The following EVA1A variants were observed in gnomAD, a reference collection of about 807,000 sequenced individuals.
The protein encoded by EVA1A is protein eva-1 homolog A.
EVA1A carries 7 observed loss-of-function variants against 9.8 expected under a neutral mutation model. That is an observed-to-expected ratio of 0.71 (90% CI 0.41 to 1.34). The LOEUF is 1.34. EVA1A is among the 40% of genes most tolerant of loss of function. The pLI is 0.01. For missense variants in EVA1A, 206 were observed against 205.9 expected, an observed-to-expected ratio of 1.00 and a Z score of 0.00; for synonymous variants, 90 against 85.6, an observed-to-expected ratio of 1.05 and a Z score of -0.28.
chr2:75,553,912 T>C (rs73938968), intron 1 of EVA1A, among the ~76,000 whole-genome samples: 370 of 152,302 alleles, frequency 2.4e-3, no homozygotes, highest in African/African-American at 8.6e-3. Context: ...GACATCTCAG[T>C]GCAGCAAAGA....
chr2:75,531,267 G>A (rs143232313), intron 1 of EVA1A, among the ~76,000 whole-genome samples: 2,982 of 152,274 alleles, frequency 0.02, 94 homozygotes, highest in African/African-American at 0.069. Flanking sequence ...TGTTGGCATG[G>A]ATGTGGTGAA....
At chr2:75,547,494 G>A (rs1009001797) in intron 1 of EVA1A, among the ~76,000 whole-genome samples, 2 of 152,158 alleles carry the variant, frequency 1.3e-5, no homozygotes, top group African/African-American at 4.8e-5. Context: ...CACCAAGCAC[G>A]ATGTCTAGTG....
At chr2:75,569,257 C>T (rs935506852) in intron 1 of EVA1A, among the ~76,000 whole-genome samples, 8 of 151,954 alleles carry the variant, frequency 5.3e-5, no homozygotes, top group African/African-American at 1.9e-4. Flanking sequence ...ATGGTATTCA[C>T]TTGCCTCACT....
At chr2:75,526,844 T>A (rs1406479997) in intron 1 of EVA1A, among the ~76,000 whole-genome samples, 2 of 152,206 alleles carry the variant, frequency 1.3e-5, no homozygotes, top group Non-Finnish European at 2.9e-5. Flanking sequence ...GAGAGTGACA[T>A]GGTCAGTTCT....
At chr2:75,499,835 T>A (rs1674346001) in intron 3 of EVA1A, among the ~76,000 whole-genome samples, 1 of 152,016 alleles carries the variant, frequency 6.6e-6, no homozygotes, top group Non-Finnish European at 1.5e-5. Context: ...AGGGCCTGAG[T>A]TTCATCTCAC....
intron 1 of EVA1A, among the ~76,000 whole-genome samples, chr2:75,552,345 T>C (rs1676555543): frequency 6.6e-6 from 1 of 152,160 alleles, no homozygotes; most frequent in Non-Finnish European, 1.5e-5. Context: ...CTATAAATGC[T>C]GCTCCCTCCT....
intron 1 of EVA1A, among the ~76,000 whole-genome samples, chr2:75,553,019 C>A (rs1676577307): frequency 6.6e-6 from 1 of 152,250 alleles, no homozygotes; most frequent in Admixed American, 6.5e-5. Flanking sequence ...AATTCTCTAA[C>A]AAATCCAGAT....
intron 1 of EVA1A, among the ~76,000 whole-genome samples, chr2:75,568,915 T>C (rs1288798235): frequency 1.3e-5 from 2 of 152,232 alleles, no homozygotes; most frequent in African/African-American, 4.8e-5. Flanking sequence ...ATCTTTGCAA[T>C]TGCAAATTCT....
At position 75,539,851 on chromosome 2, in the gene EVA1A, T is replaced by C. The variant is rs192119248; in HGVS notation, c.-191-17364A>G. ...TCATGAAGTAATCAGATATTAGCAA[T>C]AGTAGGCAGTGGGTAATTGAAGGCA... is the stretch of plus-strand genomic sequence containing the variant. On this transcript the variant is annotated intron_variant, in intron 1 of 3. Coordinates refer to ENST00000393913, the MANE Select transcript of EVA1A (RefSeq NM_001135032.2). 1.4e-4 allele frequency among the ~76,000 whole-genome samples: 22 copies of C among 152,188 alleles called. No individual in the cohort carries two copies. The East Asian group carries it at 4.2e-3, about 29-fold the overall frequency.
chr2:75,535,906 T>C (rs1243938150), intron 1 of EVA1A, among the ~76,000 whole-genome samples: 2 of 152,132 alleles, frequency 1.3e-5, no homozygotes, highest in African/African-American at 2.4e-5. Context: ...AACCAAAAAA[T>C]ACTTGTACCT....
rs142500802 is a variant in EVA1A at position 75,498,460 on chromosome 2, C to T, written c.86-4851G>A. Reference sequence around the variant, plus strand: ...AATTTACCCATGTAACAAAACTGCACGGGTACCCCCAAAACTAAAATAAAA... The same window carrying T: ...AATTTACCCATGTAACAAAACTGCATGGGTACCCCCAAAACTAAAATAAAA... On this transcript the variant is annotated intron_variant, in intron 3 of 3. Coordinates refer to ENST00000393913, the MANE Select transcript of EVA1A (RefSeq NM_001135032.2). Among the ~76,000 whole-genome samples the T allele has an allele frequency of 6.2e-3, 941 of 151,968 alleles. 4 individuals are homozygous for T. Among genetic ancestry groups the T allele is most frequent in the African/African-American group, 0.022 (893 of 41,430 alleles).
chr2:75,568,948 T>C (rs1328373527), intron 1 of EVA1A, among the ~76,000 whole-genome samples: 1 of 152,206 alleles, frequency 6.6e-6, no homozygotes, highest in African/African-American at 2.4e-5. Flanking sequence ...ATGTGTTGCA[T>C]GTGTCTTTTT....
At chr2:75,555,790 T>G (rs989621379) in intron 1 of EVA1A, among the ~76,000 whole-genome samples, 1 of 152,208 alleles carries the variant, frequency 6.6e-6, no homozygotes, top group African/African-American at 2.4e-5. Flanking sequence ...CCCCACCATA[T>G]GCCTACATGT....
chr2:75,524,821 A>G (rs576224742), intron 1 of EVA1A, among the ~76,000 whole-genome samples: 2 of 152,232 alleles, frequency 1.3e-5, no homozygotes, highest in East Asian at 1.9e-4. Context: ...CCTACAGGAC[A>G]TGGTTCCATT....
chr2:75,564,629 G>A (rs1386899213), upstream of EVA1A, among the ~76,000 whole-genome samples: 1 of 152,204 alleles, frequency 6.6e-6, no homozygotes, highest in Non-Finnish European at 1.5e-5. Flanking sequence ...GGAGGCTGTG[G>A]CATTCCCTCA....
upstream of EVA1A, among the ~76,000 whole-genome samples, chr2:75,563,408 G>C (rs1268962326): frequency 2.6e-5 from 4 of 152,204 alleles, no homozygotes; most frequent in African/African-American, 9.7e-5. Flanking sequence ...AGCTATGTCA[G>C]AGGACCTATG....
rs551425397 is a variant in EVA1A at position 75,515,697 on chromosome 2, C to T, written c.85+2359G>A. On this transcript the variant is annotated intron_variant, in intron 3 of 3. Transcript: ENST00000393913. Reference sequence around the variant, plus strand: ...GAGCATTTTCATGTAATTTTAAATGCCTCCTTTTATATAAACCGTATCTGT... The same window carrying T: ...GAGCATTTTCATGTAATTTTAAATGTCTCCTTTTATATAAACCGTATCTGT... Among the ~76,000 whole-genome samples the T allele has an allele frequency of 7.9e-5, 12 of 152,286 alleles. No homozygotes were observed. The South Asian group carries it at 2.3e-3, about 29-fold the overall frequency.
In EVA1A at chr2:75,496,106, G is replaced by A. The variant is rs374327484; in HGVS notation, c.86-2497C>T. Among the ~76,000 whole-genome samples, 103 of 152,282 alleles carry A rather than the reference G, an allele frequency of 6.8e-4. 2 individuals carry two copies. The highest frequency in any genetic ancestry group is 2.4e-3 in the African/African-American group (98 of 41,548). The stretch of plus-strand genomic sequence containing the variant: ...ACACAAGGCTGTTGGGAGGATCAGT[G>A]TAGATAATGCAAGTGAAAGTGCTTG... On this transcript the variant is annotated intron_variant, in intron 3 of 3. Coordinates refer to ENST00000393913, the MANE Select transcript of EVA1A (RefSeq NM_001135032.2).
At chr2:75,529,116 T>C (rs1387527933) in intron 1 of EVA1A, among the ~76,000 whole-genome samples, 1 of 152,180 alleles carries the variant, frequency 6.6e-6, no homozygotes, top group African/African-American at 2.4e-5. Flanking sequence ...GACCTGAAGA[T>C]AGATCGCATC....
Sources: allele counts gnomAD v4.1 joint callset (sites outside exome capture counted in the v4.1 genomes callset), GRCh38; gene constraint gnomAD v4.1.1; transcripts MANE v1.5; gene names NCBI Gene and HGNC (gene_info 2026-07-23, HGNC 2026-07-21).